USP10: variants seen among roughly 807,000 people sequenced by gnomAD.
USP10 encodes the protein ubiquitin specific peptidase 10, also known as ubiquitin carboxyl-terminal hydrolase 10.
A neutral mutation model predicts 84.5 loss-of-function variants in USP10; 22 were observed. The ratio of observed to expected loss-of-function variants is 0.26; its 90% confidence interval spans 0.19 to 0.37. The LOEUF is 0.37. Ranked by LOEUF, USP10 falls within the 10% of genes least tolerant of loss-of-function variation. The pLI, the probability that USP10 is intolerant of heterozygous loss-of-function variation, is 1.00. For synonymous variants in USP10, 454 were observed against 387.6 expected (o/e 1.17, Z -2.01); for missense variants, 1,019 against 998.9 (o/e 1.02, Z -0.27).
Position 84,700,018 on chromosome 16 carries a change from G to A in USP10, c.-73G>A. On this transcript the variant is annotated 5_prime_UTR_variant, in exon 1 of 14. Coordinates refer to ENST00000219473, the MANE Select transcript of USP10 (RefSeq NM_005153.3). ...CCGATGCGAGTGTGTATGTGCGGGC[G>A]AGAAGATGGCGGCGGCGGGGGAAGC... is the stretch of plus-strand genomic sequence containing the variant. 1 of 1,314,972 alleles carries A rather than the reference G, an allele frequency of 7.6e-7. No homozygotes were observed. The highest frequency in any genetic ancestry group is 4.8e-5 in the East Asian group (1 of 20,816). 81.5% of individuals were successfully genotyped at this position (1,314,972 alleles called of 1,614,324 possible).
intron 12 of USP10, among the ~76,000 whole-genome samples, chr16:84,774,180 G>A (rs945994751): frequency 1.3e-5 from 2 of 151,924 alleles, no homozygotes; most frequent in African/African-American, 4.8e-5. Context: ...AACCTGGGAA[G>A]CAGAGGTTGC....
In USP10 at chr16:84,776,615, C is replaced by G. The variant is rs192433414; in HGVS notation, c.2209+1390C>G. On this transcript the variant is annotated intron_variant, in intron 13 of 13. Transcript: ENST00000219473. ...GGTCCCAGTGGGTGGCCAGCAGTTT[C>G]TCCGCCTTCTCCCTGCACCTCTTCC... Among the ~76,000 whole-genome samples the G allele has an allele frequency of 9.3e-3, 1,409 of 152,252 alleles. 21 individuals are homozygous for G. Among genetic ancestry groups the G allele is most frequent in the African/African-American group, 0.032 (1,313 of 41,546 alleles).
chr16:84,715,559 A>C (rs1401503725), intron 1 of USP10, among the ~76,000 whole-genome samples: 1 of 152,110 alleles, frequency 6.6e-6, no homozygotes, highest in African/African-American at 2.4e-5. Flanking sequence ...ACTTTATATG[A>C]ATCCTCTGGT....
intron 4 of USP10, among the ~76,000 whole-genome samples, chr16:84,749,354 G>A (rs1040755620): frequency 6.6e-6 from 1 of 152,138 alleles, no homozygotes; most frequent in African/African-American, 2.4e-5. Context: ...GTTGATGTGG[G>A]TTATAATAGA....
At chr16:84,738,616 A>G (rs1006684622) in intron 2 of USP10, among the ~76,000 whole-genome samples, 7 of 152,124 alleles carry the variant, frequency 4.6e-5, no homozygotes, top group Non-Finnish European at 8.8e-5. Flanking sequence ...AGCATACAGA[A>G]TGCTTTCTTC....
At chr16:84,771,311 G>T (rs1331120792) in intron 11 of USP10, among the ~76,000 whole-genome samples, 1 of 152,130 alleles carries the variant, frequency 6.6e-6, no homozygotes, top group Non-Finnish European at 1.5e-5. Flanking sequence ...CAGCACGGTG[G>T]GAGACTGAGG....
chr16:84,702,366 T>G (rs1221802325), intron 1 of USP10, among the ~76,000 whole-genome samples: 1 of 152,114 alleles, frequency 6.6e-6, no homozygotes, highest in Non-Finnish European at 1.5e-5. Context: ...GGCCGATTTC[T>G]CATAATTTTC....
At chr16:84,728,706 A>G (rs2150791216) in intron 1 of USP10, among the ~76,000 whole-genome samples, 1 of 151,960 alleles carries the variant, frequency 6.6e-6, no homozygotes, top group Admixed American at 6.5e-5. Context: ...GTATTTGGCC[A>G]TTTTCCCTTT....
chr16:84,778,495 C>G (rs762736304), intron 13 of USP10, among the ~76,000 whole-genome samples: 8 of 152,210 alleles, frequency 5.3e-5, no homozygotes, highest in Non-Finnish European at 7.3e-5. Context: ...ATCATAATCT[C>G]TGTCCAAGAT....
At chr16:84,740,234 T>A (rs890528000) in intron 2 of USP10, 75 bp from the exon 3 acceptor site, 2 of 1,337,892 alleles carry the variant, frequency 1.5e-6, no homozygotes, top group African/African-American at 2.9e-5. Flanking sequence ...TAATGAATTG[T>A]TGCCTTAATT....
intron 10 of USP10, among the ~76,000 whole-genome samples, chr16:84,767,586 C>T (rs933606208): frequency 1.3e-5 from 2 of 152,054 alleles, no homozygotes. Flanking sequence ...AAAGCAGCAG[C>T]GTTTTGAGGC....
At chr16:84,736,949 C>T (rs1034391040) in intron 2 of USP10, among the ~76,000 whole-genome samples, 2 of 152,178 alleles carry the variant, frequency 1.3e-5, no homozygotes, top group African/African-American at 2.4e-5. Flanking sequence ...CCACCTCGCC[C>T]GGCTAATTTT....
chr16:84,778,919 C>T lies in USP10; in HGVS notation c.2234C>T (p.Ala745Val), dbSNP rs538632016. ...FAVVYHHGNS[A>V]TGGHYTTDVF... ...GTGGTCTACCATCACGGCAACAGTG[C>T]GACGGGCGGCCATTACACTACAGAC... The change falls in exon 14 of 14, where the codon GCG (alanine) becomes GTG (valine). Residue 745 changes from alanine (A) to valine (V), a missense_variant. Physicochemically the swap from Ala to Val is moderately conservative, Grantham distance 64 (BLOSUM62 0). Transcript: ENST00000219473. 2.5e-5 allele frequency: 40 copies of T among 1,613,576 alleles called. No individual in the cohort carries two copies. The South Asian group carries it at 2.5e-4, about 10-fold the overall frequency.
At chr16:84,745,985 G>A (rs965003962) in intron 4 of USP10, among the ~76,000 whole-genome samples, 4 of 152,074 alleles carry the variant, frequency 2.6e-5, no homozygotes, top group African/African-American at 9.7e-5. Context: ...AATGTATAAT[G>A]GACTTTTTCT....
At chr16:84,759,159 C>G (rs1912911255) in intron 5 of USP10, 6 of 605,130 alleles carry the variant, frequency 9.9e-6, no homozygotes, top group Admixed American at 5.8e-5. Context: ...AAACGACTGA[C>G]TGCTTCGTAG....
intron 1 of USP10, among the ~76,000 whole-genome samples, chr16:84,722,258 T>A (rs554231983): frequency 1.3e-5 from 2 of 152,346 alleles, no homozygotes; most frequent in African/African-American, 4.8e-5. Flanking sequence ...TTTAGCCATG[T>A]TGAGTGTTGA....
chr16:84,751,368 A>G (rs537196462), intron 4 of USP10, among the ~76,000 whole-genome samples: 1 of 152,234 alleles, frequency 6.6e-6, no homozygotes, highest in East Asian at 1.9e-4. Context: ...TCATGCATAT[A>G]TTTCCCCCCG....
rs752727245 is a variant in USP10 at position 84,772,585 on chromosome 16, C to G, written c.2043C>G (p.Val681=). ...RRVTLEKLPP[V]LVLHLKRFVY... ...TGACTCTGGAAAAACTCCCTCCTGT[C>G]CTCGTGCTGCACCTGAAACGATTCG... Residue 681 remains valine (V), a synonymous_variant, in exon 12 of 14, where the codon GTC becomes GTG. Transcript: ENST00000219473. The G allele has an allele frequency of 2.5e-6, 4 of 1,613,970 alleles. No homozygotes were observed. The highest frequency in any genetic ancestry group is 3.4e-6 in the Non-Finnish European group (4 of 1,179,880).
chr16:84,761,092 G>T (rs956908053), intron 8 of USP10, among the ~76,000 whole-genome samples: 9 of 152,150 alleles, frequency 5.9e-5, no homozygotes, highest in African/African-American at 2.2e-4. Context: ...CTTGGAATTT[G>T]CACTTCCCAA....
Sources: allele counts gnomAD v4.1 joint callset (sites outside exome capture counted in the v4.1 genomes callset), GRCh38; gene constraint gnomAD v4.1.1; transcripts MANE v1.5; gene names NCBI Gene and HGNC (gene_info 2026-07-23, HGNC 2026-07-21).